The following TTC6 variants were observed in gnomAD, a reference collection of about 807,000 sequenced individuals.
TTC6 encodes the protein tetratricopeptide repeat domain 6.
TTC6 carries 172 observed loss-of-function variants against 210.4 expected under a neutral mutation model. The observed-to-expected ratio is 0.82, with a 90% CI of 0.72 to 0.93. The LOEUF (loss-of-function observed/expected upper bound fraction) is 0.93. Among genes scored for constraint, TTC6 ranks in the 40% least tolerant of loss-of-function variants. The probability of loss-of-function intolerance (pLI) is 0.00; values close to 1 mark genes in which losing one functional copy is unlikely to be tolerated. For synonymous variants in TTC6, 804 were observed against 819.6 expected, an observed-to-expected ratio of 0.98 and a Z score of 0.32; for missense variants, 2,414 against 2,318.1, an observed-to-expected ratio of 1.04 and a Z score of -0.85.
intron 1 of TTC6, among the ~76,000 whole-genome samples, chr14:37,675,620 A>G (rs2095767433): frequency 6.6e-6 from 1 of 152,054 alleles, no homozygotes; most frequent in African/African-American, 2.4e-5. Flanking sequence ...TCAGTTGGTA[A>G]TAGTATGCAA....
chr14:37,716,215 C>G (rs2138771339), intron 6 of TTC6, among the ~76,000 whole-genome samples: 1 of 151,938 alleles, frequency 6.6e-6, no homozygotes, highest in African/African-American at 2.4e-5. Flanking sequence ...ACTAAAAACA[C>G]TATAAATAAA....
chr14:37,691,623 G>A (rs2095803740), intron 3 of TTC6, among the ~76,000 whole-genome samples: 1 of 151,884 alleles, frequency 6.6e-6, no homozygotes, highest in South Asian at 2.1e-4. Flanking sequence ...ATCTAATGAT[G>A]GATCTTAAAG....
At chr14:37,806,251 A>G (rs1366336908) in intron 21 of TTC6, 110 bp from the exon 24 acceptor site, 7 of 1,169,638 alleles carry the variant, frequency 6.0e-6, no homozygotes, top group African/African-American at 1.5e-5. Context: ...AAATAATCCA[A>G]AAATAGAGTG....
intron 14 of TTC6, among the ~76,000 whole-genome samples, chr14:37,755,227 GT>G (rs142300378): frequency 0.23 from 34,469 of 151,122 alleles, 4,676 homozygotes; most frequent in Middle Eastern, 0.3. Flanking sequence ...ACTTTTTGAT[GT>G]TTTTTTTTCT....
At chr14:37,814,265 G>A (rs1438402409) in intron 25 of TTC6, among the ~76,000 whole-genome samples, 1 of 152,070 alleles carries the variant, frequency 6.6e-6, no homozygotes, top group Non-Finnish European at 1.5e-5. Flanking sequence ...GAAATGCTGG[G>A]CTCCCTTGCT....
At chr14:37,683,014 A>G in intron 3 of TTC6, 50 bp downstream of exon 5, 1 of 1,502,928 alleles carries the variant, frequency 6.7e-7, no homozygotes, top group Non-Finnish European at 8.9e-7. Context: ...AGAATTGAGG[A>G]TGTGCAGGTG....
chr14:37,724,865 C>T, intron 6 of TTC6, 33 bp from the exon 9 acceptor site: 1 of 1,303,648 alleles, frequency 7.7e-7, no homozygotes, highest in Non-Finnish European at 1.0e-6. Context: ...CATTTCTTAC[C>T]ATTTCTAATA....
rs1367680919 is a variant in TTC6 at position 37,807,376 on chromosome 14, C to A, written c.4371C>A (p.Ile1457=). The change falls in exon 23 of 31, where the codon ATC becomes ATA. Residue 1457 remains isoleucine, a synonymous_variant. Coordinates refer to ENST00000553443, the Ensembl canonical transcript of TTC6. ...TAAAAGGCAGGTATTCCAAAGCAAT[C>A]TTGAATTGTAACAAGGCTATTAAAA... is the stretch of plus-strand genomic sequence containing the variant. 13 of 1,531,004 alleles carry A rather than the reference C, an allele frequency of 8.5e-6. No individual in the cohort carries two copies. In the South Asian group the frequency reaches 1.6e-4, roughly 18 times the overall value. 94.8% of individuals were successfully genotyped at this position (1,531,004 alleles called of 1,614,324 possible). A position where few individuals can be genotyped will look rare whatever the true frequency, so the allele number is the denominator to read the frequency against.
rs187390966 is a variant in TTC6, at chr14:37,602,047, C to T, written c.-234-4616C>T. Among the ~76,000 whole-genome samples, 45 of 152,366 alleles carry T rather than the reference C, an allele frequency of 3.0e-4. No homozygotes were observed. In the East Asian group the frequency reaches 6.2e-3, roughly 21 times the overall value. ...AGGAAAAGCCTTGCACTAGAGCTCT[C>T]TATTAGTCCGAGGCTGCGCACCCGG... is the stretch of plus-strand genomic sequence containing the variant. On this transcript the variant is annotated intron_variant, in intron 1 of 2. Coordinates refer to the TTC6 transcript ENST00000556845.
In TTC6 at chr14:37,795,004, T is replaced by G. The variant is rs187263012; in HGVS notation, c.3709-266T>G. Among the ~76,000 whole-genome samples the G allele has an allele frequency of 4.6e-5, 7 of 152,318 alleles. No homozygotes were observed. In the East Asian group the frequency reaches 1.3e-3, roughly 29 times the overall value. On this transcript the variant is annotated intron_variant, in intron 17 of 30. Transcript: ENST00000553443. ...CGTACACAATCCAGAATGTATTATA[T>G]AATCACATTTATGTGAAATAGTATA...
At chr14:37,827,081 A>G in intron 28 of TTC6, 115 bp from the exon 31 acceptor site, 1 of 793,214 alleles carries the variant, frequency 1.3e-6, no homozygotes, top group Non-Finnish European at 1.8e-6. Context: ...TTTTACATGC[A>G]CTATAAAATT....
chr14:37,812,345 T>C (rs745623682), exon 25 of TTC6: 3 of 1,613,412 alleles, frequency 1.9e-6, no homozygotes, highest in Non-Finnish European at 1.7e-6. Flanking sequence ...GTGCTGCTTC[T>C]TGATGCTACA....
chr14:37,742,784 G>T (rs1380386911), intron 10 of TTC6, among the ~76,000 whole-genome samples: 1 of 152,096 alleles, frequency 6.6e-6, no homozygotes, highest in Non-Finnish European at 1.5e-5. Context: ...TGATGTTCTA[G>T]GAGCAAGAAC....
At chr14:37,660,292 G>T (rs776032028) in intron 1 of TTC6, among the ~76,000 whole-genome samples, 1 of 151,756 alleles carries the variant, frequency 6.6e-6, no homozygotes, top group African/African-American at 2.4e-5. Context: ...GTAGGTAAAC[G>T]TGTGCCACAG....
intron 14 of TTC6, among the ~76,000 whole-genome samples, chr14:37,760,025 A>C (rs901142181): frequency 1.3e-5 from 2 of 152,064 alleles, no homozygotes; most frequent in Non-Finnish European, 1.5e-5. Context: ...CTCATTCTCT[A>C]TCCAGTTTTG....
chr14:37,785,968 C>G (rs1051165285), intron 14 of TTC6, among the ~76,000 whole-genome samples: 56 of 152,138 alleles, frequency 3.7e-4, no homozygotes, highest in Non-Finnish European at 6.8e-4. Flanking sequence ...AATGTTGCTG[C>G]CTGATTGTTC....
At chr14:37,841,553 G>A in exon 30 of TTC6, 1 of 1,606,592 alleles carries the variant, frequency 6.2e-7, no homozygotes, top group Non-Finnish European at 8.5e-7. Context: ...AGAAGCAAAA[G>A]AAGATTTTGC....
chr14:37,622,547 C>A (rs2095653185), exon 1 of TTC6: 2 of 1,534,896 alleles, frequency 1.3e-6, no homozygotes, highest in Middle Eastern at 1.7e-4. Flanking sequence ...CCGTGAAGCG[C>A]AGAGCGCGCG....
chr14:37,825,191 G>A (rs988314392), intron 27 of TTC6, among the ~76,000 whole-genome samples: 2 of 152,140 alleles, frequency 1.3e-5, no homozygotes, highest in African/African-American at 4.8e-5. Context: ...CACAACAGAT[G>A]TGGTCTGGAG....
Sources: allele counts gnomAD v4.1 joint callset (sites outside exome capture counted in the v4.1 genomes callset), GRCh38; gene constraint gnomAD v4.1.1; transcripts MANE v1.5; gene names NCBI Gene and HGNC (gene_info 2026-07-23, HGNC 2026-07-21).